BMP6: variants seen among roughly 807,000 people sequenced by gnomAD.
The protein encoded by BMP6 is VG-1-R.
A neutral mutation model predicts 54.1 loss-of-function variants in BMP6; 17 were observed. That is an observed-to-expected ratio of 0.31 (90% CI 0.22 to 0.47). The LOEUF (loss-of-function observed/expected upper bound fraction) is 0.47, where lower values mean the gene tolerates loss of function less well. Ranked by LOEUF, BMP6 falls within the 20% of genes least tolerant of loss-of-function variation. BMP6 has a pLI of 1.00. For missense variants in BMP6, 720 were observed against 690.4 expected (o/e 1.04, Z -0.48); for synonymous variants, 328 against 291.2 (o/e 1.13, Z -1.28).
chr6:7,728,200 CG>C (rs1421389358), intron 1 of BMP6, among the ~76,000 whole-genome samples: 5 of 152,158 alleles, frequency 3.3e-5, no homozygotes, highest in African/African-American at 9.7e-5. Flanking sequence ...AAAAGGACCG[CG>C]GAAGGCGCTC....
chr6:7,840,024 AGTTACTG>A (rs1463857512), intron 1 of BMP6, among the ~76,000 whole-genome samples: 1 of 152,192 alleles, frequency 6.6e-6, no homozygotes. Flanking sequence ...GAAGGAGAGG[AGTTACTG>A]GTCACCATTG....
intron 1 of BMP6, among the ~76,000 whole-genome samples, chr6:7,811,692 C>T (rs1038653693): frequency 6.6e-6 from 1 of 152,120 alleles, no homozygotes; most frequent in Non-Finnish European, 1.5e-5. Context: ...TATAATTTGA[C>T]CTAATTGATT....
At position 7,815,026 on chromosome 6, in the gene BMP6, T is replaced by TA. The variant is rs1758505165; in HGVS notation, c.665-30111dup. On this transcript the variant is annotated intron_variant, in intron 1 of 6. Coordinates refer to ENST00000283147, the MANE Select transcript of BMP6 (RefSeq NM_001718.6). ...GTTTAGAGGATAAAATGAGCCTATT[T>TA]AAATGTCTTTCAAAATATTCAAATT... 2.0e-5 allele frequency among the ~76,000 whole-genome samples: 3 copies of TA among 152,332 alleles called. No individual in the cohort carries two copies. In the East Asian group the frequency reaches 5.8e-4, roughly 29 times the overall value.
At chr6:7,797,445 T>C (rs969555827) in intron 1 of BMP6, among the ~76,000 whole-genome samples, 1 of 152,190 alleles carries the variant, frequency 6.6e-6, no homozygotes, top group African/African-American at 2.4e-5. Context: ...ACCTAAGAAT[T>C]CATTGAGTGA....
chr6:7,866,557 A>T (rs570405499), intron 4 of BMP6, among the ~76,000 whole-genome samples: 1 of 152,178 alleles, frequency 6.6e-6, no homozygotes, highest in Non-Finnish European at 1.5e-5. Flanking sequence ...TCATTTGGCT[A>T]ATTTTCCGGA....
At position 7,784,403 on chromosome 6, in the gene BMP6, CTGTGTGTAGGCGTCTGAG is replaced by C. The variant is rs531589408; in HGVS notation, c.664+56814_664+56831del. On this transcript the variant is annotated intron_variant, in intron 1 of 6. Coordinates refer to ENST00000283147, the MANE Select transcript of BMP6 (RefSeq NM_001718.6). ...TGTCTTTTCATGGTGCTCGATGGGT[CTGTGTGTAGGCGTCTGAG>C]TGTGTGTAGGCGTCTGAGTGTGTGT... 9.1e-3 allele frequency among the ~76,000 whole-genome samples: 1,375 copies of C among 151,430 alleles called. 24 individuals are homozygous for C. Among genetic ancestry groups the C allele is most frequent in the African/African-American group, 0.025 (1,029 of 41,042 alleles).
intron 4 of BMP6, among the ~76,000 whole-genome samples, chr6:7,875,849 C>G (rs1759607289): frequency 6.6e-6 from 1 of 152,174 alleles, no homozygotes; most frequent in South Asian, 2.1e-4. Context: ...GAAATCAAGG[C>G]TCAGATCTAG....
chr6:7,855,646 G>A (rs541552881), intron 2 of BMP6, among the ~76,000 whole-genome samples: 3 of 134,714 alleles, frequency 2.2e-5, no homozygotes, highest in South Asian at 4.8e-4. Flanking sequence ...ACTGCAACCT[G>A]CACCTCCCAG....
rs778898901 is a variant in BMP6 at position 7,855,553 on chromosome 6, C to CTTT, written c.858-5873_858-5871dup. On this transcript the variant is annotated intron_variant, in intron 2 of 6. Transcript: ENST00000283147. ...TTAATCTCAATCTCTCTCTCTCTCT[C>CTTT]TTTTTTTTTTTTTTTTTTTTTTTTT... is the stretch of plus-strand genomic sequence containing the variant. Among the ~76,000 whole-genome samples, 31 of 105,054 alleles carry CTTT rather than the reference C, an allele frequency of 3.0e-4. 1 individual carries two copies. Among genetic ancestry groups the CTTT allele is most frequent in the East Asian group, 5.9e-4 (2 of 3,370 alleles). 68.9% of individuals were successfully genotyped at this position (105,054 alleles called of 152,430 possible).
intron 2 of BMP6, among the ~76,000 whole-genome samples, chr6:7,847,817 G>T (rs1759088873): frequency 6.6e-6 from 1 of 152,048 alleles, no homozygotes; most frequent in African/African-American, 2.4e-5. Flanking sequence ...GAAATGACGG[G>T]ACCAGGTAAG....
chr6:7,783,925 T>A (rs1757985236), intron 1 of BMP6, among the ~76,000 whole-genome samples: 1 of 152,220 alleles, frequency 6.6e-6, no homozygotes. Context: ...ATGCCACACA[T>A]GAGCCCTCAG....
intron 4 of BMP6, among the ~76,000 whole-genome samples, chr6:7,877,799 C>G (rs186813048): frequency 6.6e-6 from 1 of 152,220 alleles, no homozygotes; most frequent in African/African-American, 2.4e-5. Context: ...TAGGCTCTTA[C>G]ACCCACTGAC....
At chr6:7,761,221 C>G (rs1451005730) in intron 1 of BMP6, among the ~76,000 whole-genome samples, 1 of 152,220 alleles carries the variant, frequency 6.6e-6, no homozygotes, top group Non-Finnish European at 1.5e-5. Flanking sequence ...AGTCAGATTA[C>G]TGTTACCAAA....
Position 7,742,401 on chromosome 6 carries a change from A to C in BMP6, c.664+14782A>C, listed in dbSNP as rs1051684801. On this transcript the variant is annotated intron_variant, in intron 1 of 6. Transcript: ENST00000283147. ...ACTCTTCACGCAGGTGCCGTTGCAG[A>C]ATACTTATCTTGTCAGCTTCCACTT... is the stretch of plus-strand genomic sequence containing the variant. Among the ~76,000 whole-genome samples, 3 of 152,222 alleles carry C rather than the reference A, an allele frequency of 2.0e-5. No individual in the cohort carries two copies. The South Asian group carries it at 6.2e-4, about 31-fold the overall frequency.
intron 1 of BMP6, among the ~76,000 whole-genome samples, chr6:7,843,604 C>T (rs1195773423): frequency 3.9e-5 from 6 of 152,068 alleles, no homozygotes; most frequent in Admixed American, 3.9e-4. Flanking sequence ...TTAATTTGCT[C>T]ATGAGATTTC....
chr6:7,765,060 A>G (rs1405639072), intron 1 of BMP6, among the ~76,000 whole-genome samples: 1 of 152,194 alleles, frequency 6.6e-6, no homozygotes, highest in Admixed American at 6.5e-5. Flanking sequence ...GGCTTTTTGC[A>G]GTTGTATTCC....
intron 1 of BMP6, among the ~76,000 whole-genome samples, chr6:7,818,188 A>G (rs963824060): frequency 6.6e-6 from 1 of 152,180 alleles, no homozygotes; most frequent in Non-Finnish European, 1.5e-5. Flanking sequence ...AGCTTTCCAG[A>G]TTTCCTGATC....
At chr6:7,806,916 G>C (rs1758354774) in intron 1 of BMP6, among the ~76,000 whole-genome samples, 1 of 152,192 alleles carries the variant, frequency 6.6e-6, no homozygotes, top group Non-Finnish European at 1.5e-5. Flanking sequence ...GAATGTGTTG[G>C]TTGATACTCC....
intron 1 of BMP6, among the ~76,000 whole-genome samples, chr6:7,730,514 G>A (rs1761834202): frequency 6.6e-6 from 1 of 152,170 alleles, no homozygotes; most frequent in Non-Finnish European, 1.5e-5. Context: ...AGTGTGAAGA[G>A]AAAACCTTTT....
Sources: gnomAD v4.1 joint callset for allele counts (sites outside exome capture counted in the v4.1 genomes callset) on GRCh38, gnomAD v4.1.1 for gene constraint, MANE v1.5 for transcripts, NCBI Gene and HGNC (gene_info 2026-07-23, HGNC 2026-07-21) for gene names.